The following ASTN1 variants were observed in gnomAD, a reference collection of about 807,000 sequenced individuals.
ASTN1 encodes astrotactin 1.
In ASTN1, 41 loss-of-function variants were observed where a neutral mutation model predicts 140.7. The observed-to-expected ratio is 0.29, with a 90% CI of 0.23 to 0.38. The LOEUF is 0.38. Ranked by LOEUF, ASTN1 falls within the 10% of genes least tolerant of loss-of-function variation. The pLI is 1.00. For missense variants in ASTN1, 1,479 were observed against 1,678.8 expected (o/e 0.88, Z 2.08); for synonymous variants, 640 against 652.2 (o/e 0.98, Z 0.29).
chr1:177,117,349 C>T (rs887926947), intron 1 of ASTN1, among the ~76,000 whole-genome samples: 1 of 152,162 alleles, frequency 6.6e-6, no homozygotes, highest in African/African-American at 2.4e-5. Context: ...GAATCTCCTG[C>T]ATGAAACCCT....
At chr1:177,050,079 A>C (rs1195305766) in intron 2 of ASTN1, among the ~76,000 whole-genome samples, 2 of 152,228 alleles carry the variant, frequency 1.3e-5, no homozygotes, top group African/African-American at 2.4e-5. Context: ...TCACGTAAGA[A>C]TGTATCTGAA....
At chr1:177,143,773 TATGTTTAAATATTATAGTTTTAAAAC>T (rs2102229128) in intron 1 of ASTN1, among the ~76,000 whole-genome samples, 1 of 152,254 alleles carries the variant, frequency 6.6e-6, no homozygotes, top group East Asian at 1.9e-4. Context: ...TTTTCTAATA[TATGTTTAAATATTATAGTTTTAAAAC>T]GATACCTCAA....
Position 177,032,476 on chromosome 1 carries a change from G to T in ASTN1, c.845C>A (p.Ser282Ter). ...LDSLQGCNEK[S>*]GMDLTPGSDN... ...CCCACCTGGTGTGAGGTCCATCCCC[G>T]ACTTTTCATTGCAGCCCTGCAGGGA... Residue 282 changes from serine to a stop codon, truncating the protein, a stop_gained, in exon 3 of 23, where the codon TCG becomes TAG. Transcript: ENST00000361833. LOFTEE classifies it high-confidence loss of function. 1 of 1,613,956 alleles carries T rather than the reference G, an allele frequency of 6.2e-7. No individual in the cohort carries two copies.
chr1:176,960,358 G>A (rs1672606204), intron 9 of ASTN1, among the ~76,000 whole-genome samples: 1 of 152,182 alleles, frequency 6.6e-6, no homozygotes, highest in Non-Finnish European at 1.5e-5. Flanking sequence ...ATAAAATTTT[G>A]TTTTCTATTT....
intron 16 of ASTN1, among the ~76,000 whole-genome samples, chr1:176,902,862 A>C (rs1247872220): frequency 1.3e-5 from 2 of 152,204 alleles, no homozygotes; most frequent in African/African-American, 4.8e-5. Context: ...CCTGAGATCC[A>C]GCTCTACACA....
chr1:177,068,820 T>C (rs1459432738), intron 1 of ASTN1, among the ~76,000 whole-genome samples: 1 of 150,270 alleles, frequency 6.7e-6, no homozygotes, highest in Non-Finnish European at 1.5e-5. Context: ...TTCTTTCTTT[T>C]CTTTTTTTTT....
intron 9 of ASTN1, among the ~76,000 whole-genome samples, chr1:176,964,428 T>C (rs891947419): frequency 3.3e-5 from 5 of 152,230 alleles, no homozygotes; most frequent in African/African-American, 1.2e-4. Flanking sequence ...AAGTGAATGA[T>C]AGATTGACAA....
At chr1:177,076,019 C>T (rs1026463486) in intron 1 of ASTN1, among the ~76,000 whole-genome samples, 1 of 151,996 alleles carries the variant, frequency 6.6e-6, no homozygotes, top group African/African-American at 2.4e-5. Flanking sequence ...GTGGCTCACA[C>T]CTGTAATCCC....
chr1:176,904,550 T>C (rs1438777389), intron 16 of ASTN1, among the ~76,000 whole-genome samples: 2 of 152,092 alleles, frequency 1.3e-5, no homozygotes, highest in Non-Finnish European at 2.9e-5. Context: ...CAAATCTCCA[T>C]TAGCAGAAAG....
At chr1:177,056,586 T>TATAC (rs1677819357) in intron 2 of ASTN1, among the ~76,000 whole-genome samples, 1 of 129,098 alleles carries the variant, frequency 7.7e-6, no homozygotes, top group Non-Finnish European at 1.8e-5. Context: ...TATATATATA[T>TATAC]ACACATATCT....
chr1:176,978,686 G>A, intron 8 of ASTN1, among the ~76,000 whole-genome samples: 1 of 152,148 alleles, frequency 6.6e-6, no homozygotes, highest in East Asian at 1.9e-4. Context: ...AAAAGGCTGA[G>A]TGTTATCTGT....
At chr1:177,113,511 T>A (rs1680921360) in intron 1 of ASTN1, among the ~76,000 whole-genome samples, 1 of 152,262 alleles carries the variant, frequency 6.6e-6, no homozygotes, top group South Asian at 2.1e-4. Context: ...CTTCTTCCAC[T>A]ACCACCTTGT....
At chr1:176,991,323 G>T (rs963235710) in intron 8 of ASTN1, among the ~76,000 whole-genome samples, 9 of 149,706 alleles carry the variant, frequency 6.0e-5, no homozygotes, top group African/African-American at 2.2e-4. Context: ...TGAGGCAGGA[G>T]AATCGCTTGA....
chr1:176,910,868 A>C (rs77662259), intron 16 of ASTN1, among the ~76,000 whole-genome samples: 5 of 152,314 alleles, frequency 3.3e-5, no homozygotes, highest in Middle Eastern at 6.8e-3. Context: ...ATGCAACTCT[A>C]TTGTGAACTG....
chr1:177,150,567 A>G (rs1305322612), intron 1 of ASTN1, among the ~76,000 whole-genome samples: 1 of 152,154 alleles, frequency 6.6e-6, no homozygotes, highest in East Asian at 1.9e-4. Context: ...GTGAATTTCC[A>G]AGGACCAATT....
At chr1:176,929,264 G>T (rs917416882) in intron 16 of ASTN1, among the ~76,000 whole-genome samples, 9 of 152,202 alleles carry the variant, frequency 5.9e-5, no homozygotes, top group Non-Finnish European at 1.3e-4. Context: ...CTTGAAATGG[G>T]GAGATTATCT....
At chr1:177,056,332 G>T (rs1000611143) in intron 2 of ASTN1, among the ~76,000 whole-genome samples, 1 of 152,122 alleles carries the variant, frequency 6.6e-6, no homozygotes, top group Non-Finnish European at 1.5e-5. Flanking sequence ...TCCCAGGAGT[G>T]AACTCTGTAC....
chr1:177,093,372 A>G (rs1399614618), intron 1 of ASTN1, among the ~76,000 whole-genome samples: 1 of 152,216 alleles, frequency 6.6e-6, no homozygotes, highest in Non-Finnish European at 1.5e-5. Flanking sequence ...TAGAGTCATC[A>G]AAAGAATTTG....
chr1:177,100,549 G>A (rs530829806), intron 1 of ASTN1, among the ~76,000 whole-genome samples: 1 of 152,026 alleles, frequency 6.6e-6, no homozygotes, highest in African/African-American at 2.4e-5. Flanking sequence ...ATTTGACATC[G>A]AGAGAAAGGT....
Sources: allele counts gnomAD v4.1 joint callset (sites outside exome capture counted in the v4.1 genomes callset), GRCh38; gene constraint gnomAD v4.1.1; transcripts MANE v1.5; gene names NCBI Gene and HGNC (gene_info 2026-07-23, HGNC 2026-07-21).